The following DGKI variants were observed in gnomAD, a reference collection of about 807,000 sequenced individuals.
DGKI encodes the protein diacylglycerol kinase iota, also known as DAG kinase iota.
In DGKI, 55 loss-of-function variants were observed where a neutral mutation model predicts 147.5. The observed-to-expected ratio is 0.37, with a 90% CI of 0.30 to 0.47. DGKI has a LOEUF of 0.47. Among genes scored for constraint, DGKI ranks in the 20% least tolerant of loss-of-function variants. The pLI, the probability that DGKI is intolerant of heterozygous loss-of-function variation, is 1.00. For synonymous variants in DGKI, 469 were observed against 477.1 expected (o/e 0.98, Z 0.22); for missense variants, 1,007 against 1,323.8 (o/e 0.76, Z 3.71).
chr7:137,752,263 T>C (rs1484259504), intron 1 of DGKI, among the ~76,000 whole-genome samples: 1 of 145,426 alleles, frequency 6.9e-6, no homozygotes, highest in Non-Finnish European at 1.5e-5. Flanking sequence ...AAATCAACAA[T>C]ACAAAAAAAA....
intron 1 of DGKI, among the ~76,000 whole-genome samples, chr7:137,782,626 C>T (rs1453051947): frequency 6.6e-6 from 1 of 152,204 alleles, no homozygotes; most frequent in African/African-American, 2.4e-5. Flanking sequence ...TGCATCCTCC[C>T]TATAGGACCG....
intron 1 of DGKI, among the ~76,000 whole-genome samples, chr7:137,696,615 C>T (rs1235712278): frequency 6.6e-6 from 1 of 151,870 alleles, no homozygotes; most frequent in African/African-American, 2.4e-5. Context: ...GGCAACAAAC[C>T]TCATTTTAAA....
intron 5 of DGKI, among the ~76,000 whole-genome samples, chr7:137,653,100 T>G (rs963570626): frequency 6.6e-5 from 10 of 152,186 alleles, no homozygotes; most frequent in African/African-American, 2.2e-4. Flanking sequence ...AATCAGTTTT[T>G]CAGGTGTGTG....
chr7:137,443,673 T>C (rs1218261416), intron 28 of DGKI, among the ~76,000 whole-genome samples: 1 of 152,180 alleles, frequency 6.6e-6, no homozygotes, highest in African/African-American at 2.4e-5. Context: ...TGGAACATGA[T>C]CCCAATGTCC....
intron 3 of DGKI, among the ~76,000 whole-genome samples, chr7:137,661,743 A>G (rs568355439): frequency 6.6e-6 from 1 of 152,298 alleles, no homozygotes; most frequent in South Asian, 2.1e-4. Context: ...AGCCCGGTCC[A>G]CAGCAGCATC....
intron 21 of DGKI, among the ~76,000 whole-genome samples, chr7:137,516,670 G>A (rs906135268): frequency 6.6e-6 from 1 of 151,812 alleles, no homozygotes; most frequent in African/African-American, 2.4e-5. Context: ...ATGTTATAAT[G>A]TTGGATTTTC....
At chr7:137,564,558 C>A (rs1330814178) in intron 19 of DGKI, among the ~76,000 whole-genome samples, 2 of 145,042 alleles carry the variant, frequency 1.4e-5, no homozygotes, top group Non-Finnish European at 3.0e-5. Flanking sequence ...CAAAAAAACA[C>A]ATTTGACTTC....
chr7:137,746,454 A>T (rs1394852878), intron 1 of DGKI, among the ~76,000 whole-genome samples: 1 of 152,234 alleles, frequency 6.6e-6, no homozygotes, highest in Admixed American at 6.5e-5. Flanking sequence ...GTCGCATTAC[A>T]TATTCAGAGA....
intron 5 of DGKI, among the ~76,000 whole-genome samples, chr7:137,652,787 A>G (rs536078198): frequency 6.6e-6 from 1 of 152,274 alleles, no homozygotes; most frequent in Non-Finnish European, 1.5e-5. Context: ...TATAGCATTC[A>G]TATTCATGTT....
intron 5 of DGKI, among the ~76,000 whole-genome samples, chr7:137,653,085 C>A (rs113288783): frequency 2.8e-4 from 43 of 152,316 alleles, no homozygotes; most frequent in African/African-American, 9.1e-4. Context: ...CATTTTCCAA[C>A]ATCTAATCAG....
At chr7:137,722,571 T>C in intron 1 of DGKI, 2 of 1,584,666 alleles carry the variant, frequency 1.3e-6, no homozygotes, top group Non-Finnish European at 1.7e-6. Context: ...AATTTGTCAT[T>C]GCCACCTCAA....
chr7:137,495,613 G>C (rs1312991218), intron 21 of DGKI, among the ~76,000 whole-genome samples: 1 of 151,624 alleles, frequency 6.6e-6, no homozygotes, highest in African/African-American at 2.4e-5. Flanking sequence ...AATCTACCAT[G>C]GTCAAGTAGG....
intron 1 of DGKI, among the ~76,000 whole-genome samples, chr7:137,713,454 T>C (rs557945000): frequency 8.5e-5 from 13 of 152,350 alleles, no homozygotes; most frequent in Non-Finnish European, 1.6e-4. Context: ...GCTATCACTA[T>C]AATAACCCCA....
Position 137,748,077 on chromosome 7 carries a change from A to G in DGKI, c.402-58075T>C, listed in dbSNP as rs372710269. Among the ~76,000 whole-genome samples, 4 of 152,186 alleles carry G rather than the reference A, an allele frequency of 2.6e-5. No individual in the cohort carries two copies. The South Asian group carries it at 6.2e-4, about 24-fold the overall frequency. ...TTCAAATTCAGGCTCTTCTGACTCT[A>G]GTAAATAAGCTCTCAATCCTATCTA... On this transcript the variant is annotated intron_variant, in intron 1 of 32. Coordinates refer to ENST00000614521, the MANE Select transcript of DGKI (RefSeq NM_001321708.2).
At chr7:137,740,280 G>T (rs535677043) in intron 1 of DGKI, among the ~76,000 whole-genome samples, 66 of 152,270 alleles carry the variant, frequency 4.3e-4, no homozygotes, top group African/African-American at 1.5e-3. Context: ...TGTCAATTTT[G>T]ATTTTATTCC....
chr7:137,755,647 A>G (rs1050021289), intron 1 of DGKI, among the ~76,000 whole-genome samples: 1 of 152,142 alleles, frequency 6.6e-6, no homozygotes, highest in Admixed American at 6.5e-5. Flanking sequence ...ACTTCTCCAA[A>G]AGCCCCACCA....
intron 1 of DGKI, among the ~76,000 whole-genome samples, chr7:137,723,750 C>G (rs1354751004): frequency 7.4e-6 from 1 of 135,212 alleles, no homozygotes; most frequent in African/African-American, 2.8e-5. Flanking sequence ...TTCTCTGTCA[C>G]CCAGGCTGGA....
intron 1 of DGKI, among the ~76,000 whole-genome samples, chr7:137,758,710 T>TTA (rs757230084): frequency 1.1e-3 from 171 of 149,934 alleles, no homozygotes; most frequent in East Asian, 7.8e-3. Context: ...ATAAATAAAA[T>TTA]TATATATATA....
intron 1 of DGKI, among the ~76,000 whole-genome samples, chr7:137,807,193 G>C (rs993891179): frequency 6.6e-6 from 1 of 152,184 alleles, no homozygotes; most frequent in African/African-American, 2.4e-5. Context: ...ACGCATAATG[G>C]TTCCCAAATA....
Sources: gnomAD v4.1 joint callset for allele counts (sites outside exome capture counted in the v4.1 genomes callset) on GRCh38, gnomAD v4.1.1 for gene constraint, MANE v1.5 for transcripts, NCBI Gene and HGNC (gene_info 2026-07-23, HGNC 2026-07-21) for gene names.